SNX13: variants seen among roughly 807,000 people sequenced by gnomAD.
The protein encoded by SNX13 is sorting nexin-13.
Under a neutral mutation model 133.6 loss-of-function variants are expected in SNX13, and 45 were observed. The observed-to-expected ratio is 0.34, with a 90% CI of 0.27 to 0.43. SNX13 has a LOEUF of 0.43. Ranked by LOEUF, SNX13 falls within the 20% of genes least tolerant of loss-of-function variation. SNX13 has a pLI of 1.00. For missense variants in SNX13, 1,032 were observed against 1,145.1 expected (o/e 0.90, Z 1.43); for synonymous variants, 414 against 373.9 (o/e 1.11, Z -1.24).
chr7:17,821,010 T>C (rs969325126), intron 18 of SNX13, among the ~76,000 whole-genome samples: 9 of 152,124 alleles, frequency 5.9e-5, no homozygotes, highest in Admixed American at 5.9e-4. Flanking sequence ...ATTGAAAATA[T>C]TACTTGGTTA....
intron 1 of SNX13, among the ~76,000 whole-genome samples, chr7:17,901,029 G>A (rs1416050844): frequency 2.0e-5 from 3 of 152,090 alleles, no homozygotes; most frequent in East Asian, 1.9e-4. Context: ...TTAGTCAGCA[G>A]GCAATCAATC....
rs1364831112 is a variant in SNX13 at position 17,853,946 on chromosome 7, A to C, written c.838-2982T>G. ...ACAGAGCGAGAATCCATCTCCAAAAAAAATAAAAAAAGAAAAAAAAAGAAA... is the reference window on the plus strand; with the variant it reads ...ACAGAGCGAGAATCCATCTCCAAAACAAATAAAAAAAGAAAAAAAAAGAAA... On this transcript the variant is annotated intron_variant, in intron 9 of 25. Coordinates refer to ENST00000428135, the MANE Select transcript of SNX13 (RefSeq NM_015132.5). 2.0e-5 allele frequency among the ~76,000 whole-genome samples: 3 copies of C among 151,958 alleles called. No homozygotes were observed. The East Asian group carries it at 5.8e-4, about 29-fold the overall frequency.
chr7:17,894,941 T>G (rs544021881), intron 2 of SNX13, among the ~76,000 whole-genome samples: 1 of 152,314 alleles, frequency 6.6e-6, no homozygotes, highest in South Asian at 2.1e-4. Flanking sequence ...TTTAAGTCAT[T>G]AATTCTGTTT....
intron 16 of SNX13, among the ~76,000 whole-genome samples, chr7:17,827,678 T>C (rs1755326777): frequency 6.6e-6 from 1 of 151,874 alleles, no homozygotes; most frequent in Admixed American, 6.6e-5. Context: ...CCATATCAAC[T>C]ACTTTCTCGG....
At chr7:17,894,488 A>G (rs945989298) in intron 2 of SNX13, among the ~76,000 whole-genome samples, 18 of 151,372 alleles carry the variant, frequency 1.2e-4, no homozygotes, top group Non-Finnish European at 1.5e-4. Flanking sequence ...CTATTTAGGG[A>G]AAAAAAAATC....
intron 24 of SNX13, among the ~76,000 whole-genome samples, chr7:17,797,199 A>G (rs1784146974): frequency 6.6e-6 from 1 of 151,922 alleles, no homozygotes; most frequent in Non-Finnish European, 1.5e-5. Flanking sequence ...TAATGAAGAC[A>G]GCAAAATGGA....
At chr7:17,917,066 A>G (rs1454443396) in intron 1 of SNX13, among the ~76,000 whole-genome samples, 1 of 152,214 alleles carries the variant, frequency 6.6e-6, no homozygotes, top group East Asian at 1.9e-4. Flanking sequence ...CAAAAACCAT[A>G]TATGATCACC....
chr7:17,938,328 C>T (rs763880142), intron 1 of SNX13, among the ~76,000 whole-genome samples: 9 of 152,126 alleles, frequency 5.9e-5, no homozygotes, highest in Non-Finnish European at 7.4e-5. Context: ...GAGCTCTCTA[C>T]TGAGAGTTAG....
At chr7:17,883,068 G>T in intron 5 of SNX13, 1 of 256,632 alleles carries the variant, frequency 3.9e-6, no homozygotes, top group Non-Finnish European at 7.8e-6. Context: ...TAAGCAAATT[G>T]GTGGAAACGA....
chr7:17,873,403 T>C (rs1794342434), intron 8 of SNX13, 125 bp downstream of exon 8: 2 of 450,898 alleles, frequency 4.4e-6, no homozygotes, highest in Non-Finnish European at 7.7e-6. Flanking sequence ...AAAACTCACA[T>C]AAACAAAAGC....
chr7:17,796,367 G>A (rs1784055490), intron 25 of SNX13: 1 of 152,622 alleles, frequency 6.6e-6, no homozygotes, highest in Non-Finnish European at 1.5e-5. Context: ...GAAATAACTT[G>A]TTTTCCTAAG....
At chr7:17,852,373 AAAAAG>A (rs1258058500) in intron 9 of SNX13, among the ~76,000 whole-genome samples, 6 of 152,150 alleles carry the variant, frequency 3.9e-5, no homozygotes, top group South Asian at 4.1e-4. Context: ...ATTCCGTCTC[AAAAAG>A]AAAAGAAAAG....
rs1158679371 is a variant in SNX13 at position 17,864,462 on chromosome 7, T to C, written c.837+3945A>G. On this transcript the variant is annotated intron_variant, in intron 9 of 25. Transcript: ENST00000428135. ...CTAAGACAGGCTATACGAAAACACA[T>C]AGAGAAAAAAAGAATCTGAAAACAA... is the stretch of plus-strand genomic sequence containing the variant. 3.3e-5 allele frequency among the ~76,000 whole-genome samples: 5 copies of C among 151,572 alleles called. No individual in the cohort carries two copies. In the East Asian group the frequency reaches 7.8e-4, roughly 24 times the overall value.
chr7:17,889,498 T>TA (rs915144397), intron 5 of SNX13: 41 of 144,418 alleles, frequency 2.8e-4, no homozygotes, highest in African/African-American at 4.3e-4. Context: ...TTTAATGGAA[T>TA]AAAAAAAAAA....
intron 20 of SNX13, among the ~76,000 whole-genome samples, chr7:17,808,270 G>A (rs796153180): frequency 1.4e-4 from 22 of 152,272 alleles, no homozygotes; most frequent in African/African-American, 4.8e-4. Flanking sequence ...ATGACCTGAT[G>A]GAGCTGAAAA....
chr7:17,819,235 T>C (rs1022642440), intron 18 of SNX13, among the ~76,000 whole-genome samples: 3 of 152,184 alleles, frequency 2.0e-5, no homozygotes, highest in African/African-American at 7.2e-5. Flanking sequence ...TAGCTTGGAT[T>C]TTCATTCATT....
intron 1 of SNX13, among the ~76,000 whole-genome samples, 191 bp from the exon 2 acceptor site, chr7:17,897,637 T>G (rs985882570): frequency 2.0e-5 from 3 of 152,136 alleles, no homozygotes; most frequent in Non-Finnish European, 4.4e-5. Flanking sequence ...AAAATTTATA[T>G]GTATAGAGAG....
At chr7:17,811,851 C>T (rs973976140) in intron 20 of SNX13, among the ~76,000 whole-genome samples, 1 of 152,130 alleles carries the variant, frequency 6.6e-6, no homozygotes, top group Admixed American at 6.5e-5. Context: ...CATACATCTA[C>T]AACCATCTGA....
chr7:17,798,829 T>G, intron 23 of SNX13, 71 bp from the exon 24 acceptor site: 1 of 1,276,188 alleles, frequency 7.8e-7, no homozygotes, highest in Non-Finnish European at 1.1e-6. Context: ...GTGACTTTCA[T>G]AGAGCAAGCA....
Sources: allele counts gnomAD v4.1 joint callset (sites outside exome capture counted in the v4.1 genomes callset), GRCh38; gene constraint gnomAD v4.1.1; transcripts MANE v1.5; gene names NCBI Gene and HGNC (gene_info 2026-07-23, HGNC 2026-07-21).